Variants in SMOC2 observed in about 807,000 individuals in gnomAD.
SMOC2 encodes the protein SPARC related modular calcium binding 2.
In SMOC2, 39 loss-of-function variants were observed where a neutral mutation model predicts 61.4. The ratio of observed to expected loss-of-function variants is 0.64; its 90% CI spans 0.49 to 0.83. SMOC2 has a LOEUF of 0.83. Among genes scored for constraint, SMOC2 ranks in the 40% least tolerant of loss-of-function variants. The pLI, the probability that SMOC2 is intolerant of heterozygous loss-of-function variation, is 0.00. For missense variants in SMOC2, 556 were observed against 592.9 expected, an observed-to-expected ratio of 0.94 and a Z score of 0.65; for synonymous variants, 247 against 239.9, an observed-to-expected ratio of 1.03 and a Z score of -0.27.
At chr6:168,636,934 C>T (rs78250184) in intron 9 of SMOC2, among the ~76,000 whole-genome samples, 37,637 of 112,452 alleles carry the variant, frequency 0.33, 6,574 homozygotes, top group Non-Finnish European at 0.38. Context: ...TCCCCCCTCC[C>T]CACCTCCCTC....
At chr6:168,572,853 T>C (rs1453280293) in intron 7 of SMOC2, among the ~76,000 whole-genome samples, 2 of 85,996 alleles carry the variant, frequency 2.3e-5, no homozygotes, top group Admixed American at 1.0e-4. Flanking sequence ...GCGATGTTCA[T>C]TTCCTGCCCG....
chr6:168,447,786 GGA>G (rs1464563731), intron 1 of SMOC2, among the ~76,000 whole-genome samples: 63 of 151,478 alleles, frequency 4.2e-4, no homozygotes, highest in African/African-American at 1.5e-3. Flanking sequence ...CGAGTCTGCT[GGA>G]TTTTAGTCAC....
rs775949547 is a variant in SMOC2 at position 168,588,887 on chromosome 6, C to T, written c.638-9931C>T. Among the ~76,000 whole-genome samples the T allele has an allele frequency of 5.3e-5, 8 of 152,036 alleles. No homozygotes were observed. In the South Asian group the frequency reaches 1.5e-3, roughly 28 times the overall value. ...GGCGGATCACTTGAGGCCAGGAGTTCGAGACCAGCCTGGCCAACATCTCTA... is the reference window on the plus strand; with the variant it reads ...GGCGGATCACTTGAGGCCAGGAGTTTGAGACCAGCCTGGCCAACATCTCTA... On this transcript the variant is annotated intron_variant, in intron 7 of 12. Transcript: ENST00000356284.
chr6:168,546,663 T>C (rs1183943817), intron 5 of SMOC2, among the ~76,000 whole-genome samples: 2 of 152,066 alleles, frequency 1.3e-5, no homozygotes, highest in African/African-American at 4.8e-5. Context: ...CCCTTGCCTT[T>C]CTCTTGGGGA....
chr6:168,444,014 A>C (rs1236917390), intron 1 of SMOC2, among the ~76,000 whole-genome samples: 1 of 152,248 alleles, frequency 6.6e-6, no homozygotes, highest in Non-Finnish European at 1.5e-5. Flanking sequence ...GATGGTGCCC[A>C]TGCCGTGGGT....
intron 1 of SMOC2, among the ~76,000 whole-genome samples, chr6:168,464,819 TA>T (rs1195333989): frequency 6.6e-6 from 1 of 152,136 alleles, no homozygotes; most frequent in East Asian, 1.9e-4. Flanking sequence ...GGGAGAGGAA[TA>T]AAAAAAGTGC....
intron 1 of SMOC2, among the ~76,000 whole-genome samples, chr6:168,503,354 A>G (rs1782782434): frequency 6.6e-6 from 1 of 152,054 alleles, no homozygotes; most frequent in South Asian, 2.1e-4. Flanking sequence ...CTGGGATTAC[A>G]GGTGTGAGCC....
At chr6:168,581,723 G>T (rs1784923271) in intron 7 of SMOC2, among the ~76,000 whole-genome samples, 1 of 152,200 alleles carries the variant, frequency 6.6e-6, no homozygotes, top group Non-Finnish European at 1.5e-5. Context: ...GTTTAGGTGG[G>T]ATGGGTGATG....
intron 9 of SMOC2, among the ~76,000 whole-genome samples, chr6:168,630,403 A>G (rs1786537227): frequency 6.6e-6 from 1 of 152,182 alleles, no homozygotes; most frequent in African/African-American, 2.4e-5. Context: ...GATTTCATGG[A>G]CACTTTTCAC....
At chr6:168,525,385 G>A (rs376240575) in intron 2 of SMOC2, among the ~76,000 whole-genome samples, 6 of 152,176 alleles carry the variant, frequency 3.9e-5, no homozygotes, top group African/African-American at 1.4e-4. Context: ...GTAAGCAACC[G>A]ACTTTGTGGT....
chr6:168,487,570 T>C (rs962988501), intron 1 of SMOC2, among the ~76,000 whole-genome samples: 2 of 152,166 alleles, frequency 1.3e-5, no homozygotes, highest in African/African-American at 4.8e-5. Context: ...CAGTGTGCGA[T>C]CTTGACTCAC....
chr6:168,543,779 A>C, intron 5 of SMOC2, 107 bp downstream of exon 5: 1 of 1,019,850 alleles, frequency 9.8e-7, no homozygotes. Context: ...TGATGATGAG[A>C]GCCGAACCAG....
chr6:168,463,675 A>G (rs1781762624), intron 1 of SMOC2, among the ~76,000 whole-genome samples: 1 of 152,072 alleles, frequency 6.6e-6, no homozygotes, highest in Non-Finnish European at 1.5e-5. Flanking sequence ...GTCCTGAGAG[A>G]AACCCTGTGC....
At chr6:168,624,614 A>G (rs1407280796) in intron 9 of SMOC2, among the ~76,000 whole-genome samples, 1 of 111,382 alleles carries the variant, frequency 9.0e-6, no homozygotes, top group Non-Finnish European at 1.9e-5. Flanking sequence ...ACAGACACAC[A>G]GAGACACAGA....
At chr6:168,603,422 A>C (rs555513171) in intron 8 of SMOC2, among the ~76,000 whole-genome samples, 5 of 152,170 alleles carry the variant, frequency 3.3e-5, no homozygotes, top group Admixed American at 2.6e-4. Flanking sequence ...GTCACGTCTC[A>C]GCTCCCCTGG....
intron 4 of SMOC2, among the ~76,000 whole-genome samples, chr6:168,530,882 A>C (rs185290251): frequency 2.6e-5 from 4 of 152,312 alleles, no homozygotes; most frequent in Admixed American, 2.6e-4. Context: ...CAGTGTTCAC[A>C]TGAGAACCAA....
rs1478049825 is a variant in SMOC2 at position 168,535,970 on chromosome 6, A to G, written c.464-7655A>G. On this transcript the variant is annotated intron_variant, in intron 4 of 12. Coordinates refer to ENST00000356284, the MANE Select transcript of SMOC2 (RefSeq NM_001166412.2). This position sits in a 1 kb window ranked among gnomAD's most constrained non-coding sequence, Gnocchi z 4.6. The stretch of plus-strand genomic sequence containing the variant: ...CGCAGCAGCCATGCAGCTTCACGGC[A>G]CAGGGGCCCGGCCGTTCTCTCTGGA... Among the ~76,000 whole-genome samples the G allele has an allele frequency of 2.0e-5, 3 of 152,216 alleles. No individual in the cohort carries two copies. The highest frequency in any genetic ancestry group is 4.4e-5 in the Non-Finnish European group (3 of 68,050).
Position 168,598,892 on chromosome 6 carries a change from C to A in SMOC2, c.712C>A (p.Pro238Thr). The change falls in exon 8 of 13, where the codon CCT (proline) becomes ACT (threonine). Residue 238 changes from proline to threonine, a missense_variant. Pro to Thr is a conservative substitution (Grantham distance 38, BLOSUM62 -1). Transcript: ENST00000356284. ...GCCCAAGAACGACAATGTGGTGATC[C>A]CTGAGTGTGCGCACGGCGGCCTCTA... The part of the protein sequence containing the change: ...KQPKNDNVVI[P>T]ECAHGGLYKP... The A allele has an allele frequency of 6.2e-7, 1 of 1,613,850 alleles. No individual in the cohort carries two copies. Among genetic ancestry groups the A allele is most frequent in the Non-Finnish European group, 8.5e-7 (1 of 1,179,850 alleles).
chr6:168,538,786 C>T (rs1583092874), intron 4 of SMOC2, among the ~76,000 whole-genome samples: 2 of 125,036 alleles, frequency 1.6e-5, no homozygotes, highest in South Asian at 2.9e-4. Context: ...CAGAGCGACC[C>T]CTGCTGGAAT....
Sources: allele counts gnomAD v4.1 joint callset (sites outside exome capture counted in the v4.1 genomes callset), GRCh38; gene constraint gnomAD v4.1.1; non-coding constraint Gnocchi (gnomAD v3.1); transcripts MANE v1.5; gene names NCBI Gene and HGNC (gene_info 2026-07-23, HGNC 2026-07-21).